Variants in CLVS1 observed in about 807,000 individuals in gnomAD.
The protein encoded by CLVS1 is clavesin 1.
A neutral mutation model predicts 33.1 loss-of-function variants in CLVS1; 10 were observed. The observed-to-expected ratio is 0.30, with a 90% CI of 0.19 to 0.51. The LOEUF is 0.51. Among genes scored for constraint, CLVS1 ranks in the 20% least tolerant of loss-of-function variants. The pLI, the probability that CLVS1 is intolerant of heterozygous loss-of-function variation, is 0.97. For missense variants in CLVS1, 343 were observed against 433.4 expected (o/e 0.79, Z 1.85); for synonymous variants, 163 against 166.1 (o/e 0.98, Z 0.14).
chr8:61,480,247 G>A (rs548279793), intron 5 of CLVS1, among the ~76,000 whole-genome samples: 15 of 152,280 alleles, frequency 9.9e-5, no homozygotes, highest in Admixed American at 3.3e-4. Context: ...CGAGCTTCCC[G>A]GCTGCTTTGT....
At chr8:61,071,455 C>T (rs1052802531) in intron 1 of CLVS1, among the ~76,000 whole-genome samples, 8 of 152,170 alleles carry the variant, frequency 5.3e-5, no homozygotes, top group Non-Finnish European at 8.8e-5. Context: ...CTCCTACTTC[C>T]TCCTATGCAG....
chr8:61,254,389 T>C (rs1183526995), intron 2 of CLVS1, among the ~76,000 whole-genome samples: 1 of 152,174 alleles, frequency 6.6e-6, no homozygotes, highest in Admixed American at 6.5e-5. Flanking sequence ...GAGGAGGCAG[T>C]CTGTCCGTTC....
At chr8:61,147,512 T>C (rs759680617) in intron 2 of CLVS1, among the ~76,000 whole-genome samples, 1 of 152,244 alleles carries the variant, frequency 6.6e-6, no homozygotes, top group Non-Finnish European at 1.5e-5. Flanking sequence ...AATTCAGTTT[T>C]CAAAATATCC....
intron 2 of CLVS1, among the ~76,000 whole-genome samples, chr8:61,140,727 A>C (rs1806292529): frequency 6.6e-6 from 1 of 151,882 alleles, no homozygotes; most frequent in Admixed American, 6.6e-5. Flanking sequence ...ATGCCCGGCT[A>C]AATTTTTTTT....
chr8:61,387,626 C>G (rs1434762815), intron 3 of CLVS1, among the ~76,000 whole-genome samples: 2 of 152,062 alleles, frequency 1.3e-5, no homozygotes, highest in South Asian at 4.1e-4. Context: ...TATCACACAA[C>G]CCCCTCCTAA....
At chr8:61,132,691 C>T (rs1806123370) in intron 2 of CLVS1, among the ~76,000 whole-genome samples, 2 of 152,128 alleles carry the variant, frequency 1.3e-5, no homozygotes, top group African/African-American at 2.4e-5. Flanking sequence ...ACGAGGCTTC[C>T]GCATGAAGCT....
At chr8:61,321,583 A>G (rs141502294) in intron 2 of CLVS1, among the ~76,000 whole-genome samples, 23 of 152,098 alleles carry the variant, frequency 1.5e-4, no homozygotes, top group African/African-American at 5.1e-4. Flanking sequence ...GTTTCAGCCA[A>G]CATTTCCCAT....
In CLVS1 at chr8:61,226,844, G is replaced by A. The variant is rs146612666; in HGVS notation, c.-151-72833G>A. 1.4e-3 allele frequency among the ~76,000 whole-genome samples: 219 copies of A among 152,288 alleles called. 1 individual carries two copies. Among genetic ancestry groups the A allele is most frequent in the Admixed American group, 3.8e-3 (58 of 15,296 alleles). ...TCCAGCGAGGACATCGGAAGGCAAT[G>A]GGATCTAAAGAGGATGGTGCAGCTG... On this transcript the variant is annotated intron_variant, in intron 2 of 2. Coordinates refer to the CLVS1 transcript ENST00000522621.
intron 2 of CLVS1, among the ~76,000 whole-genome samples, chr8:61,215,422 T>C (rs988661184): frequency 1.1e-4 from 17 of 152,220 alleles, no homozygotes; most frequent in African/African-American, 3.9e-4. Context: ...AAAGTCACTG[T>C]GTACCTGAGC....
intron 5 of CLVS1, among the ~76,000 whole-genome samples, chr8:61,472,508 A>T (rs1331915913): frequency 6.6e-6 from 1 of 152,202 alleles, no homozygotes; most frequent in Non-Finnish European, 1.5e-5. Flanking sequence ...GATATCATCA[A>T]CCATCCATAA....
chr8:60,980,072 G>C, the CLVS1 span, among the ~76,000 whole-genome samples: 1 of 152,200 alleles, frequency 6.6e-6, no homozygotes, highest in Non-Finnish European at 1.5e-5. Context: ...CAGGATGAGA[G>C]GCTTAGGAGG....
chr8:61,196,942 G>A (rs771020244), intron 2 of CLVS1, among the ~76,000 whole-genome samples: 8 of 152,074 alleles, frequency 5.3e-5, no homozygotes, highest in South Asian at 4.2e-4. Context: ...GCCCTCTCCC[G>A]GGCTCTATCT....
chr8:61,481,579 C>A (rs192284071), intron 5 of CLVS1, among the ~76,000 whole-genome samples: 2 of 152,320 alleles, frequency 1.3e-5, no homozygotes, highest in Middle Eastern at 3.4e-3. Flanking sequence ...GGGTCCCACA[C>A]CCACAGAGCC....
intron 2 of CLVS1, among the ~76,000 whole-genome samples, chr8:61,162,910 T>C (rs1238005173): frequency 6.6e-6 from 1 of 152,184 alleles, no homozygotes; most frequent in Non-Finnish European, 1.5e-5. Flanking sequence ...TCACATCAGA[T>C]GGCCAGTCTG....
chr8:61,029,452 C>T, the CLVS1 span, among the ~76,000 whole-genome samples: 41 of 152,214 alleles, frequency 2.7e-4, no homozygotes, highest in Non-Finnish European at 2.2e-4. Flanking sequence ...CCCTTCTCAT[C>T]GAGGGTTTGA....
At chr8:61,054,956 C>T (rs1323858764), upstream of CLVS1, among the ~76,000 whole-genome samples, 9 of 152,162 alleles carry the variant, frequency 5.9e-5, no homozygotes, top group Non-Finnish European at 1.2e-4. Flanking sequence ...AAAATCATTA[C>T]CTCATTGCTT....
Position 61,499,534 on chromosome 8 carries a change from C to G in CLVS1, c.1057C>G (p.Leu353Val). 1 of 1,613,206 alleles carries G rather than the reference C, an allele frequency of 6.2e-7. No individual in the cohort carries two copies. Among genetic ancestry groups the G allele is most frequent in the Non-Finnish European group, 8.5e-7 (1 of 1,179,266 alleles). ...ENENTQPLLA[L>V]D ...TGAGAACACCCAGCCACTCCTGGCT[C>G]TGGACTGAACCCTGAGTCACCCCAA... The change falls in exon 6 of 6, where the codon CTG becomes GTG. Residue 353 changes from leucine (L) to valine (V), a missense_variant. Physicochemically the swap from Leu to Val is conservative, Grantham distance 32. Transcript: ENST00000325897.
rs2045120059 is a variant in CLVS1 at position 61,499,313 on chromosome 8, C to G, written c.978-142C>G. ...ACCTCAGCCTCCTGAATAGCTGGGACTACTGGCATGTGCCACTGCACCCAG... is the reference window on the plus strand; with the variant it reads ...ACCTCAGCCTCCTGAATAGCTGGGAGTACTGGCATGTGCCACTGCACCCAG... On this transcript the variant is annotated intron_variant, in intron 5 of 5. Transcript: ENST00000325897. 3.6e-5 allele frequency: 21 copies of G among 582,552 alleles called. No homozygotes were observed. In the South Asian group the frequency reaches 3.8e-4, roughly 10 times the overall value. 36.1% of individuals were successfully genotyped at this position (582,552 alleles called of 1,614,324 possible). A position where few individuals can be genotyped will look rare whatever the true frequency, so the allele number is the denominator to read the frequency against.
At chr8:61,033,004 A>AGATAGAAAGAAAGAAGGAAGGAAG in the CLVS1 span, among the ~76,000 whole-genome samples, 1 of 100,980 alleles carries the variant, frequency 9.9e-6, no homozygotes, top group Admixed American at 9.2e-5. Flanking sequence ...AAAGAAAGAA[A>AGATAGAAAGAAAGAAGGAAGGAAG]GAAAGAAAGA....
Sources: allele counts gnomAD v4.1 joint callset (sites outside exome capture counted in the v4.1 genomes callset), GRCh38; gene constraint gnomAD v4.1.1; transcripts MANE v1.5; gene names NCBI Gene and HGNC (gene_info 2026-07-23, HGNC 2026-07-21).